PREX2: variants seen among roughly 807,000 people sequenced by gnomAD.
The protein encoded by PREX2 is phosphatidylinositol 3,4,5-trisphosphate-dependent Rac exchanger 2 protein.
Under a neutral mutation model 203.2 loss-of-function variants are expected in PREX2, and 107 were observed. The ratio of observed to expected loss-of-function variants is 0.53; its 90% confidence interval spans 0.45 to 0.62. The LOEUF (loss-of-function observed/expected upper bound fraction) is 0.62. PREX2 is among the 20% of genes least tolerant of loss of function. The pLI, the probability that PREX2 is intolerant of heterozygous loss-of-function variation, is 0.00. For synonymous variants in PREX2, 672 were observed against 663.6 expected (o/e 1.01, Z -0.19); for missense variants, 1,777 against 1,955.9 (o/e 0.91, Z 1.72).
intron 32 of PREX2, among the ~76,000 whole-genome samples, chr8:68,136,822 A>G (rs1455588574): frequency 6.6e-6 from 1 of 151,702 alleles, no homozygotes; most frequent in Non-Finnish European, 1.5e-5. Flanking sequence ...ACCTCCACTG[A>G]TTCTTTTTCA....
chr8:68,108,136 T>C lies in PREX2; in HGVS notation c.2743T>C (p.Trp915Arg). Reference protein sequence around the residue: ...KFSRVLKNRAWPTFKQAKSKI... With the variant: ...KFSRVLKNRARPTFKQAKSKI... ...TTCTCGTGTACTGAAGAATAGGGCCTGGCCTACTTTTAAACAGGCCAAATC... is the reference window on the plus strand; with the variant it reads ...TTCTCGTGTACTGAAGAATAGGGCCCGGCCTACTTTTAAACAGGCCAAATC... The change falls in exon 24 of 40, where the codon TGG becomes CGG. Residue 915 changes from tryptophan (W) to arginine (R), a missense_variant. Physicochemically the swap from Trp to Arg is moderately radical, Grantham distance 101 (BLOSUM62 -3). Coordinates refer to ENST00000288368, the MANE Select transcript of PREX2 (RefSeq NM_024870.4). The C allele has an allele frequency of 6.2e-7, 1 of 1,613,792 alleles. No individual in the cohort carries two copies. The highest frequency in any genetic ancestry group is 8.5e-7 in the Non-Finnish European group (1 of 1,179,818).
intron 30 of PREX2, 76 bp downstream of exon 30, chr8:68,121,125 G>C (rs1194391041): frequency 7.0e-7 from 1 of 1,435,204 alleles, no homozygotes; most frequent in Admixed American, 2.0e-5. Context: ...CAAAAGTTTG[G>C]TAATGCCTGA....
intron 10 of PREX2, among the ~76,000 whole-genome samples, chr8:68,058,442 T>C (rs1291876844): frequency 6.6e-6 from 1 of 151,610 alleles, no homozygotes; most frequent in African/African-American, 2.4e-5. Flanking sequence ...TGACATTCTT[T>C]TTTTTTTTTG....
rs541476928 is a variant in PREX2, at chr8:68,226,941, G to A, written c.4775+2315G>A. ...TAGTACCAAGGACCACAGAAGAAGT[G>A]ATGTTTTGAGAACTATGCCTAGACC... On this transcript the variant is annotated intron_variant, in intron 39 of 39. Coordinates refer to ENST00000288368, the MANE Select transcript of PREX2 (RefSeq NM_024870.4). Among the ~76,000 whole-genome samples the A allele has an allele frequency of 2.5e-3, 388 of 152,318 alleles. 2 individuals are homozygous for A. The highest frequency in any genetic ancestry group is 8.9e-3 in the African/African-American group (369 of 41,560).
At chr8:68,205,495 T>C (rs1022749395) in intron 37 of PREX2, among the ~76,000 whole-genome samples, 10 of 152,184 alleles carry the variant, frequency 6.6e-5, no homozygotes, top group African/African-American at 2.4e-4. Flanking sequence ...CTGCAGGCTT[T>C]TCCGTATTTA....
chr8:68,089,102 G>A (rs1375532856), intron 19 of PREX2, among the ~76,000 whole-genome samples: 1 of 152,122 alleles, frequency 6.6e-6, no homozygotes, highest in African/African-American at 2.4e-5. Context: ...CTGCAGTCAC[G>A]CTTGCCAGCA....
chr8:68,093,508 A>T (rs1165301384), intron 20 of PREX2, 97 bp from the exon 21 acceptor site: 3 of 525,540 alleles, frequency 5.7e-6, no homozygotes, highest in Non-Finnish European at 1.0e-5. Context: ...ACTAATTTTA[A>T]AGAATCTAGA....
At chr8:68,057,914 G>A (rs1808727707) in intron 10 of PREX2, among the ~76,000 whole-genome samples, 1 of 152,154 alleles carries the variant, frequency 6.6e-6, no homozygotes, top group Non-Finnish European at 1.5e-5. Flanking sequence ...AATAGGTTTT[G>A]CTAACCCTTC....
chr8:68,056,574 G>A (rs1266991864), intron 10 of PREX2, among the ~76,000 whole-genome samples: 1 of 150,736 alleles, frequency 6.6e-6, no homozygotes, highest in Non-Finnish European at 1.5e-5. Flanking sequence ...GGTTTAATTA[G>A]TGCAGGGCCA....
At chr8:68,029,143 T>C (rs541424021) in intron 5 of PREX2, among the ~76,000 whole-genome samples, 1 of 152,154 alleles carries the variant, frequency 6.6e-6, no homozygotes, top group Non-Finnish European at 1.5e-5. Flanking sequence ...TAGGTTGTAG[T>C]GTTAGGAAAA....
In PREX2 at chr8:68,228,502, C is replaced by T. The variant is rs144825775; in HGVS notation, c.4776-2831C>T. On this transcript the variant is annotated intron_variant, in intron 39 of 39. Transcript: ENST00000288368. ...AAATGGCCGGGTGCATAGGCTCACGCCTGCAATCCCAGCACTTTGGGAGGC... is the reference window on the plus strand; with the variant it reads ...AAATGGCCGGGTGCATAGGCTCACGTCTGCAATCCCAGCACTTTGGGAGGC... Among the ~76,000 whole-genome samples the T allele has an allele frequency of 2.8e-3, 420 of 152,136 alleles. 1 individual carries two copies. The highest frequency in any genetic ancestry group is 9.5e-3 in the African/African-American group (393 of 41,488).
intron 7 of PREX2, among the ~76,000 whole-genome samples, chr8:68,043,162 A>G (rs886757607): frequency 1.3e-5 from 2 of 152,120 alleles, no homozygotes; most frequent in African/African-American, 4.8e-5. Flanking sequence ...GCCAATTTTC[A>G]TAGCTACCTG....
In PREX2 at chr8:68,232,463, C is replaced by G. The variant is rs1469217949; in HGVS notation, c.*1085C>G. On this transcript the variant is annotated 3_prime_UTR_variant, in exon 40 of 40. Coordinates refer to ENST00000288368, the MANE Select transcript of PREX2 (RefSeq NM_024870.4). ...AATGTTTATCATTTCTACATTGATG[C>G]AATAACATTGTTTTTAGCATAGTAA... is the stretch of plus-strand genomic sequence containing the variant. 1.3e-5 allele frequency: 2 copies of G among 152,068 alleles called. No individual in the cohort carries two copies. Among genetic ancestry groups the G allele is most frequent in the Non-Finnish European group, 2.9e-5 (2 of 68,024 alleles). The allele number at this position is 152,068 out of a possible 1,614,324, so 9.4% of individuals were successfully genotyped here. A position where few individuals can be genotyped will look rare whatever the true frequency, so the allele number is the denominator to read the frequency against.
chr8:68,191,716 T>C lies in PREX2; in HGVS notation c.4347-6T>C, dbSNP rs368911863. The C allele has an allele frequency of 1.9e-6, 3 of 1,597,512 alleles. No individual in the cohort carries two copies. The highest frequency in any genetic ancestry group is 1.7e-4 in the Middle Eastern group (1 of 6,050). ...AAATGATAATTTATTTCTTGGATTC[T>C]TACAGGGCATTCTACTTGGACAAGT... On this transcript the variant is annotated splice_polypyrimidine_tract_variant and splice_region_variant and intron_variant, in intron 35 of 39. Coordinates refer to ENST00000288368, the MANE Select transcript of PREX2 (RefSeq NM_024870.4).
chr8:68,036,077 G>A (rs1353485010), intron 6 of PREX2, among the ~76,000 whole-genome samples: 1 of 152,158 alleles, frequency 6.6e-6, no homozygotes, highest in African/African-American at 2.4e-5. Context: ...GGAGTGAGGA[G>A]CTGATGGGGA....
In PREX2 at chr8:68,213,233, C is replaced by T. The variant is rs576529952; in HGVS notation, c.4605-4383C>T. On this transcript the variant is annotated intron_variant, in intron 37 of 39. Coordinates refer to ENST00000288368, the MANE Select transcript of PREX2 (RefSeq NM_024870.4). Reference sequence around the variant, plus strand: ...TCAAAAATAACCACAGCGAATTGAACGCTACCCAACATGACAGAAGGAAGC... The same window carrying T: ...TCAAAAATAACCACAGCGAATTGAATGCTACCCAACATGACAGAAGGAAGC... Among the ~76,000 whole-genome samples the T allele has an allele frequency of 1.8e-3, 277 of 152,322 alleles. 1 individual carries two copies. The highest frequency in any genetic ancestry group is 2.7e-3 in the Non-Finnish European group (181 of 68,030).
intron 38 of PREX2, 82 bp from the exon 39 acceptor site, chr8:68,224,477 G>A (rs1813017168): frequency 1.9e-6 from 2 of 1,047,908 alleles, no homozygotes; most frequent in Admixed American, 3.4e-5. Context: ...GTTTGAATAA[G>A]TATCCTACAC....
intron 37 of PREX2, among the ~76,000 whole-genome samples, chr8:68,195,326 A>G (rs993007337): frequency 2.0e-5 from 3 of 152,252 alleles, no homozygotes; most frequent in Non-Finnish European, 4.4e-5. Context: ...CTACAATTCA[A>G]AATAAATATA....
chr8:68,040,340 A>C (rs1808161164), intron 7 of PREX2, among the ~76,000 whole-genome samples: 1 of 151,918 alleles, frequency 6.6e-6, no homozygotes. Flanking sequence ...CTAGAATAAA[A>C]TTCACACTCC....
Sources: allele counts gnomAD v4.1 joint callset (sites outside exome capture counted in the v4.1 genomes callset), GRCh38; gene constraint gnomAD v4.1.1; transcripts MANE v1.5; gene names NCBI Gene and HGNC (gene_info 2026-07-23, HGNC 2026-07-21).